Variants in KDM4B observed in about 807,000 individuals in gnomAD.
KDM4B encodes the protein lysine demethylase 4B, also known as lysine-specific demethylase 4B.
In KDM4B, 32 loss-of-function variants were observed where a neutral mutation model predicts 125.2. The observed-to-expected ratio is 0.26, with a 90% confidence interval of 0.19 to 0.34. KDM4B has a LOEUF of 0.34. KDM4B is among the 10% of genes least tolerant of loss of function. The pLI, the probability that KDM4B is intolerant of heterozygous loss-of-function variation, is 1.00. For synonymous variants in KDM4B, 721 were observed against 677.9 expected, an observed-to-expected ratio of 1.06 and a Z score of -0.99; for missense variants, 1,190 against 1,577.7, an observed-to-expected ratio of 0.75 and a Z score of 4.16.
intron 5 of KDM4B, among the ~76,000 whole-genome samples, chr19:5,043,699 C>T (rs868866620): frequency 5.6e-5 from 8 of 143,532 alleles, no homozygotes; most frequent in Non-Finnish European, 1.2e-4. Context: ...TGGTGTTTAT[C>T]GGAGTGCAGT....
intron 11 of KDM4B, among the ~76,000 whole-genome samples, chr19:5,128,508 C>T (rs758736429): frequency 6.6e-6 from 1 of 152,222 alleles, no homozygotes; most frequent in Non-Finnish European, 1.5e-5. Flanking sequence ...GCTGGGCAGG[C>T]GCTATCATGG....
At chr19:5,111,616 A>C in intron 10 of KDM4B, 1 of 700,176 alleles carries the variant, frequency 1.4e-6, no homozygotes, top group South Asian at 1.5e-5. Flanking sequence ...TGCCCTTGGC[A>C]CAGTTGTCGA....
At position 5,119,934 on chromosome 19, in the gene KDM4B, C is replaced by T. The variant is rs2039330113; in HGVS notation, c.1315+82C>T. The T allele has an allele frequency of 2.8e-6, 4 of 1,443,910 alleles. No individual in the cohort carries two copies. In the Admixed American group the frequency reaches 7.6e-5, roughly 27 times the overall value. 89.4% of individuals were successfully genotyped at this position (1,443,910 alleles called of 1,614,324 possible). A position where few individuals can be genotyped will look rare whatever the true frequency, so the allele number is the denominator to read the frequency against. On this transcript the variant is annotated intron_variant, in intron 11 of 22. Transcript: ENST00000159111. ...TCCTAGAAGGAACCAGTGCCTGCTA[C>T]AGCCAGAGTCCCCGTTTTGTAAGAA... is the stretch of plus-strand genomic sequence containing the variant.
intron 1 of KDM4B, among the ~76,000 whole-genome samples, chr19:4,987,458 G>A (rs1046146860): frequency 4.6e-5 from 7 of 152,086 alleles, no homozygotes; most frequent in Non-Finnish European, 8.8e-5. Context: ...AGGTTATCTT[G>A]GGGCAGACAT....
At chr19:5,023,865 G>A (rs968476522) in intron 2 of KDM4B, among the ~76,000 whole-genome samples, 2 of 138,844 alleles carry the variant, frequency 1.4e-5, no homozygotes, top group Non-Finnish European at 1.5e-5. Context: ...CTGTGCTCAA[G>A]GAATCCTCCT....
Position 5,131,135 on chromosome 19 carries a change from T to A in KDM4B, c.1375T>A (p.Phe459Ile). 6.5e-7 allele frequency: 1 copy of A among 1,539,484 alleles called. No individual in the cohort carries two copies. The highest frequency in any genetic ancestry group is 8.7e-7 in the Non-Finnish European group (1 of 1,143,056). Residue 459 changes from phenylalanine to isoleucine, a missense_variant, in exon 12 of 23, where the codon TTC becomes ATC. Phe to Ile is a conservative substitution (Grantham distance 21, BLOSUM62 0). Around this residue, in one of 7 missense-constraint regions of KDM4B, gnomAD observed 428 missense variants for 405.1 expected, o/e 1.06. Coordinates refer to ENST00000159111, the MANE Select transcript of KDM4B (RefSeq NM_015015.3). The stretch of plus-strand genomic sequence containing the variant: ...CAAGAGCGAGCGGAAGAAGAAGAGC[T>A]TCGGCCTGCTGCCCCCACAGCTGCC... ...KAKSERKKKS[F>I]GLLPPQLPPP...
chr19:5,009,204 C>T (rs978550010), intron 1 of KDM4B, among the ~76,000 whole-genome samples: 6 of 151,966 alleles, frequency 3.9e-5, no homozygotes, highest in African/African-American at 1.2e-4. Flanking sequence ...TGTGAGCCAC[C>T]GCTCCCGGCC....
At chr19:5,102,208 C>G (rs920325695) in intron 9 of KDM4B, among the ~76,000 whole-genome samples, 2 of 152,224 alleles carry the variant, frequency 1.3e-5, no homozygotes, top group Non-Finnish European at 2.9e-5. Flanking sequence ...CTGTCGTCTC[C>G]TTTTCCATCC....
At chr19:4,981,541 TG>T (rs559242312) in intron 1 of KDM4B, among the ~76,000 whole-genome samples, 54 of 152,224 alleles carry the variant, frequency 3.5e-4, no homozygotes, top group Middle Eastern at 3.4e-3. Context: ...GTTCTAAATG[TG>T]CCCCTGGGGC....
At position 5,082,756 on chromosome 19, in the gene KDM4B, T is replaced by C. The variant is rs2038341509; in HGVS notation, c.918+252T>C. ...CAGGGCCCATCTCCAGCGAGTTCCA[T>C]ACACCAGTTATCCCTCGGCCTGCGT... On this transcript the variant is annotated intron_variant, in intron 9 of 22. Coordinates refer to ENST00000159111, the MANE Select transcript of KDM4B (RefSeq NM_015015.3). This position sits in a 1 kb window ranked among gnomAD's most constrained non-coding sequence, Gnocchi z 5.4. Among the ~76,000 whole-genome samples the C allele has an allele frequency of 6.6e-6, 1 of 152,204 alleles. No homozygotes were observed. Among genetic ancestry groups the C allele is most frequent in the African/African-American group, 2.4e-5 (1 of 41,454 alleles).
At chr19:5,061,101 G>A (rs2037581497) in intron 6 of KDM4B, among the ~76,000 whole-genome samples, 1 of 152,204 alleles carries the variant, frequency 6.6e-6, no homozygotes, top group African/African-American at 2.4e-5. Flanking sequence ...GACACCTCGT[G>A]GCCCAGGAGA....
Position 5,153,534 on chromosome 19 carries a change from A to AT in KDM4B, c.*2029dup, listed in dbSNP as rs1357545879. ...CCACCCGAGATGAAGGATACGCTGT[A>AT]TTTTTTGCCTAATGTCCCTGCCTCT... On this transcript the variant is annotated 3_prime_UTR_variant, in exon 23 of 23. Transcript: ENST00000159111. 1 of 152,178 alleles carries AT rather than the reference A, an allele frequency of 6.6e-6. No individual in the cohort carries two copies. The highest frequency in any genetic ancestry group is 1.5e-5 in the Non-Finnish European group (1 of 68,028). The allele number at this position is 152,178 out of a possible 1,614,324, so 9.4% of individuals were successfully genotyped here.
Position 4,969,123 on chromosome 19 carries a change from C to G in KDM4B, c.-216C>G, listed in dbSNP as rs542159835. 1 of 150,932 alleles carries G rather than the reference C, an allele frequency of 6.6e-6. No individual in the cohort carries two copies. The highest frequency in any genetic ancestry group is 2.4e-5 in the African/African-American group (1 of 41,192). The allele number at this position is 150,932 out of a possible 1,614,324, so 9.3% of individuals were successfully genotyped here. A position where few individuals can be genotyped will look rare whatever the true frequency, so the allele number is the denominator to read the frequency against. On this transcript the variant is annotated 5_prime_UTR_variant, in exon 1 of 23. Coordinates refer to ENST00000159111, the MANE Select transcript of KDM4B (RefSeq NM_015015.3). ...CGCGAGCGCTTGCGGAGGGCTCGGT[C>G]GCCAGCAACCGAGCGGGGCCCGGCC...
rs1397984768 is a variant in KDM4B, at chr19:5,142,392, G to C, written c.2551-1575G>C. On this transcript the variant is annotated intron_variant, in intron 18 of 22. Transcript: ENST00000159111. The surrounding 1 kb of genome is among the most constrained non-coding windows in gnomAD (Gnocchi z 5.4). ...CGTGACTGGACCTCGCCTTAGTAGG[G>C]GTGGCTCTGGGCAACCTCGGCCCCA... 6.6e-6 allele frequency among the ~76,000 whole-genome samples: 1 copy of C among 152,196 alleles called. No homozygotes were observed. The highest frequency in any genetic ancestry group is 1.5e-5 in the Non-Finnish European group (1 of 68,016).
At chr19:5,056,880 AC>A (rs2037414614) in intron 6 of KDM4B, among the ~76,000 whole-genome samples, 2 of 122,722 alleles carry the variant, frequency 1.6e-5, no homozygotes, top group African/African-American at 3.1e-5. Context: ...TGGGGCGGGG[AC>A]GCTGGGGCGG....
chr19:5,064,319 A>G (rs898335155), intron 6 of KDM4B, among the ~76,000 whole-genome samples: 6 of 152,322 alleles, frequency 3.9e-5, no homozygotes, highest in African/African-American at 1.2e-4. Flanking sequence ...ATGATAGCGC[A>G]TTAAATGGCG....
chr19:5,110,514 T>G, intron 9 of KDM4B, 108 bp from the exon 10 acceptor site: 1 of 963,424 alleles, frequency 1.0e-6, no homozygotes. Context: ...AGCGGTGGGA[T>G]GGGGTGTGGG....
Position 5,072,270 on chromosome 19 carries a change from G to A in KDM4B, c.676+1211G>A, listed in dbSNP as rs1470484608. Among the ~76,000 whole-genome samples, 3 of 152,200 alleles carry A rather than the reference G, an allele frequency of 2.0e-5. 1 individual carries two copies. The highest frequency in any genetic ancestry group is 6.5e-5 in the Admixed American group (1 of 15,286). ...AAGGGTCTCCTGTCCCAGAGACTGC[G>A]CCAGGAGTCACGTGGCTGTGCAGGA... On this transcript the variant is annotated intron_variant, in intron 7 of 22. Transcript: ENST00000159111.
intron 6 of KDM4B, among the ~76,000 whole-genome samples, chr19:5,068,146 C>A (rs1269020701): frequency 2.0e-5 from 3 of 151,540 alleles, no homozygotes; most frequent in Admixed American, 2.0e-4. Flanking sequence ...GATGCCCCAG[C>A]ATGGCCCCGA....
Sources: gnomAD v4.1 joint callset for allele counts (sites outside exome capture counted in the v4.1 genomes callset) on GRCh38, gnomAD v4.1.1 for gene constraint, gnomAD v4.1.1 regional missense constraint, Gnocchi (gnomAD v3.1) non-coding constraint, MANE v1.5 for transcripts, NCBI Gene and HGNC (gene_info 2026-07-23, HGNC 2026-07-21) for gene names.